SCGB2B2: variants seen among roughly 807,000 people sequenced by gnomAD.
SCGB2B2 encodes secretoglobin-like protein.
In SCGB2B2, 11 loss-of-function variants were observed where a neutral mutation model predicts 7.6. The ratio of observed to expected loss-of-function variants is 1.45; its 90% CI spans 0.91 to 2.40. SCGB2B2 has a LOEUF of 2.40. Among genes scored for constraint, SCGB2B2 ranks in the 30% most tolerant of loss-of-function variants. The pLI, the probability that SCGB2B2 is intolerant of heterozygous loss-of-function variation, is 0.00. For synonymous variants in SCGB2B2, 50 were observed against 48.6 expected, an observed-to-expected ratio of 1.03 and a Z score of -0.12; for missense variants, 104 against 115.4, an observed-to-expected ratio of 0.90 and a Z score of 0.45.
intron 1 of SCGB2B2, among the ~76,000 whole-genome samples, chr19:34,608,284 T>C (rs949840394): frequency 6.6e-6 from 1 of 152,072 alleles, no homozygotes; most frequent in Non-Finnish European, 1.5e-5. Context: ...TATAAATGTC[T>C]CCAACTTTTG....
intron 1 of SCGB2B2, among the ~76,000 whole-genome samples, chr19:34,659,962 C>T (rs1226182888): frequency 2.6e-5 from 4 of 152,040 alleles, no homozygotes; most frequent in African/African-American, 7.2e-5. Context: ...CAGAACAGAG[C>T]CCTCAGAAAT....
chr19:34,636,188 G>A (rs990738896), intron 1 of SCGB2B2, among the ~76,000 whole-genome samples: 1 of 152,188 alleles, frequency 6.6e-6, no homozygotes, highest in Non-Finnish European at 1.5e-5. Context: ...TGGGTTCATT[G>A]CAAGACTCCT....
intron 1 of SCGB2B2, among the ~76,000 whole-genome samples, chr19:34,628,723 T>C (rs924788768): frequency 5.9e-5 from 9 of 151,896 alleles, no homozygotes; most frequent in African/African-American, 1.7e-4. Context: ...TCTGAAACTA[T>C]TGCAATCAAT....
intron 1 of SCGB2B2, among the ~76,000 whole-genome samples, chr19:34,620,741 G>A (rs2066219779): frequency 6.6e-6 from 1 of 152,208 alleles, no homozygotes; most frequent in African/African-American, 2.4e-5. Context: ...TGAGTTGGCA[G>A]TGAAATTGGG....
At chr19:34,612,022 CTTTTTTTTTTTTTTTT>C (rs753968261) in intron 1 of SCGB2B2, among the ~76,000 whole-genome samples, 9 of 41,774 alleles carry the variant, frequency 2.2e-4, no homozygotes, top group East Asian at 6.9e-4. Flanking sequence ...TTAGAAAATT[CTTTTTTTTTTTTTTTT>C]TTTTTTTTTT....
chr19:34,653,195 G>A (rs1444129581), intron 1 of SCGB2B2, among the ~76,000 whole-genome samples: 4 of 151,164 alleles, frequency 2.6e-5, no homozygotes, highest in Admixed American at 2.0e-4. Context: ...GGTTACTTGA[G>A]GCAGGAAGTA....
At position 34,595,948 on chromosome 19, in the gene SCGB2B2, C is replaced by T. The variant is rs78559910; in HGVS notation, c.-1385G>A. ...GCTAGGAGCACCTGAGGGACACGCC[C>T]GGTGCAGAGGACACTCACTGGGCTG... On this transcript the variant is annotated 5_prime_UTR_variant, in exon 2 of 4. Coordinates refer to ENST00000601241, the MANE Select transcript of SCGB2B2 (RefSeq NM_001025591.4). 0.014 allele frequency: 2,060 copies of T among 152,338 alleles called. 15 individuals carry two copies. Among genetic ancestry groups the T allele is most frequent in the Middle Eastern group, 0.023 (7 of 298 alleles). 9.4% of individuals were successfully genotyped at this position (152,338 alleles called of 1,614,324 possible). A position where few individuals can be genotyped will look rare whatever the true frequency, so the allele number is the denominator to read the frequency against.
intron 1 of SCGB2B2, among the ~76,000 whole-genome samples, chr19:34,618,344 G>A (rs1450366648): frequency 2.0e-5 from 3 of 152,146 alleles, no homozygotes; most frequent in African/African-American, 7.2e-5. Flanking sequence ...ACAATTTTCT[G>A]TTGAACAGCA....
intron 1 of SCGB2B2, among the ~76,000 whole-genome samples, chr19:34,668,542 G>A (rs1319011820): frequency 6.6e-6 from 1 of 152,210 alleles, no homozygotes; most frequent in Non-Finnish European, 1.5e-5. Flanking sequence ...TGCACGGCGC[G>A]GGACTGGCAG....
At chr19:34,589,883 T>A (rs527833081), downstream of SCGB2B2, among the ~76,000 whole-genome samples, 1 of 152,022 alleles carries the variant, frequency 6.6e-6, no homozygotes, top group Admixed American at 6.5e-5. Flanking sequence ...GGTGCTGCCA[T>A]GGAGTGCAGG....
At chr19:34,587,598 C>T (rs1285678616), downstream of SCGB2B2, among the ~76,000 whole-genome samples, 1 of 152,116 alleles carries the variant, frequency 6.6e-6, no homozygotes, top group African/African-American at 2.4e-5. Flanking sequence ...GACATTCTTG[C>T]CTTGTTCCAG....
intron 1 of SCGB2B2, among the ~76,000 whole-genome samples, chr19:34,608,310 T>C (rs2065835211): frequency 6.6e-6 from 1 of 152,002 alleles, no homozygotes; most frequent in Non-Finnish European, 1.5e-5. Context: ...ATATTTTGTA[T>C]CCTGCAACAT....
chr19:34,620,735 T>C (rs59898152), intron 1 of SCGB2B2, among the ~76,000 whole-genome samples: 2 of 152,284 alleles, frequency 1.3e-5, no homozygotes, highest in East Asian at 3.9e-4. Flanking sequence ...TTCCAATGAG[T>C]TGGCAGTGAA....
Position 34,608,094 on chromosome 19 carries a change from A to AGTATGAAGTCATTT in SCGB2B2, c.-2031-11514_-2031-11501dup, listed in dbSNP as rs1369323056. Among the ~76,000 whole-genome samples, 6 of 152,256 alleles carry AGTATGAAGTCATTT rather than the reference A, an allele frequency of 3.9e-5. No homozygotes were observed. In the East Asian group the frequency reaches 1.2e-3, roughly 29 times the overall value. On this transcript the variant is annotated intron_variant, in intron 1 of 3. Coordinates refer to ENST00000601241, the MANE Select transcript of SCGB2B2 (RefSeq NM_001025591.4). Reference sequence around the variant, plus strand: ...AATATTCATTCTTTAAATCCATGAAAGTATGAAGTCATTTTATTCAGTTGT... The same window carrying AGTATGAAGTCATTT: ...AATATTCATTCTTTAAATCCATGAAAGTATGAAGTCATTTGTATGAAGTCATTTTATTCAGTTGT...
chr19:34,617,385 T>C (rs1476785527), intron 1 of SCGB2B2, among the ~76,000 whole-genome samples: 1 of 151,738 alleles, frequency 6.6e-6, no homozygotes, highest in Non-Finnish European at 1.5e-5. Flanking sequence ...TAGTTCTCCT[T>C]AAAGAGGTCC....
chr19:34,630,953 T>C (rs2066512688), intron 1 of SCGB2B2, among the ~76,000 whole-genome samples: 1 of 151,996 alleles, frequency 6.6e-6, no homozygotes, highest in South Asian at 2.1e-4. Flanking sequence ...GATGAGTTCA[T>C]GTCCTTTGTA....
At chr19:34,670,592 T>C (rs371479645) in intron 1 of SCGB2B2, among the ~76,000 whole-genome samples, 3 of 152,248 alleles carry the variant, frequency 2.0e-5, no homozygotes, top group African/African-American at 4.8e-5. Flanking sequence ...TTCTTTATTA[T>C]TGAGTTTTGA....
At chr19:34,672,635 A>G (rs1489084589) in intron 1 of SCGB2B2, among the ~76,000 whole-genome samples, 3 of 152,192 alleles carry the variant, frequency 2.0e-5, no homozygotes, top group Non-Finnish European at 4.4e-5. Context: ...AAAATTCCTC[A>G]TAGTCCCAAG....
intron 1 of SCGB2B2, among the ~76,000 whole-genome samples, chr19:34,668,364 G>A (rs1367990158): frequency 6.6e-6 from 1 of 152,208 alleles, no homozygotes; most frequent in African/African-American, 2.4e-5. Flanking sequence ...TCAATTTCTC[G>A]CCGGGCCTTA....
Sources: gnomAD v4.1 joint callset for allele counts (sites outside exome capture counted in the v4.1 genomes callset) on GRCh38, gnomAD v4.1.1 for gene constraint, MANE v1.5 for transcripts, NCBI Gene and HGNC (gene_info 2026-07-23, HGNC 2026-07-21) for gene names.